The following LRP1B variants were observed in gnomAD, a reference collection of about 807,000 sequenced individuals.
The protein encoded by LRP1B is low-density lipoprotein receptor-related protein 1B.
In LRP1B, 217 loss-of-function variants were observed where a neutral mutation model predicts 556.6. That is an observed-to-expected ratio of 0.39 (90% confidence interval 0.35 to 0.44). The LOEUF (loss-of-function observed/expected upper bound fraction) is 0.44, where lower values mean the gene tolerates loss of function less well. Among genes scored for constraint, LRP1B ranks in the 20% least tolerant of loss-of-function variants. LRP1B has a pLI of 1.00. For synonymous variants in LRP1B, 2,047 were observed against 1,865.8 expected, an observed-to-expected ratio of 1.10 and a Z score of -2.50; for missense variants, 5,053 against 5,620.8, an observed-to-expected ratio of 0.90 and a Z score of 3.23.
intron 20 of LRP1B, among the ~76,000 whole-genome samples, chr2:140,930,671 A>G (rs1434095508): frequency 6.6e-6 from 1 of 152,064 alleles, no homozygotes; most frequent in Non-Finnish European, 1.5e-5. Flanking sequence ...ATTTTAATGG[A>G]GTTTACACCT....
intron 11 of LRP1B, among the ~76,000 whole-genome samples, chr2:141,028,488 G>A (rs905626492): frequency 4.6e-5 from 7 of 151,730 alleles, no homozygotes; most frequent in African/African-American, 9.7e-5. Flanking sequence ...TTATTAAAAC[G>A]TTACAGAAGT....
At chr2:142,089,581 T>TGTCAAAGACGCATCCC (rs2104946893) in intron 1 of LRP1B, among the ~76,000 whole-genome samples, 1 of 152,332 alleles carries the variant, frequency 6.6e-6, no homozygotes, top group African/African-American at 2.4e-5. Context: ...AAGGGCATCC[T>TGTCAAAGACGCATCCC]GTCAAAGACG....
At position 140,715,956 on chromosome 2, in the gene LRP1B, G is replaced by A. The variant is rs781569050; in HGVS notation, c.6023+17C>T. 35 of 1,549,444 alleles carry A rather than the reference G, an allele frequency of 2.3e-5. No homozygotes were observed. The highest frequency in any genetic ancestry group is 8.7e-5 in the South Asian group (7 of 80,362). ...CTCACATAAAACTTGGAAGATATAC[G>A]TAAATCTTAAAATTACCCTTTCTCT... On this transcript the variant is annotated intron_variant, in intron 37 of 90. Transcript: ENST00000389484.
intron 66 of LRP1B, among the ~76,000 whole-genome samples, chr2:140,408,857 G>C (rs1160504081): frequency 6.6e-6 from 1 of 151,886 alleles, no homozygotes; most frequent in Non-Finnish European, 1.5e-5. Flanking sequence ...GAATGTTTAA[G>C]GAACAGTGTT....
chr2:141,275,788 A>G (rs1292362554), intron 3 of LRP1B, among the ~76,000 whole-genome samples: 1 of 152,152 alleles, frequency 6.6e-6, no homozygotes, highest in Non-Finnish European at 1.5e-5. Context: ...ATTCAAAGAA[A>G]AGCTAAAAGT....
chr2:141,322,012 C>T (rs1687260410), intron 3 of LRP1B, among the ~76,000 whole-genome samples: 1 of 152,080 alleles, frequency 6.6e-6, no homozygotes. Flanking sequence ...ATTTTATGAA[C>T]TCACAGGAGG....
At chr2:141,140,996 A>G (rs1328743423) in intron 7 of LRP1B, among the ~76,000 whole-genome samples, 1 of 152,162 alleles carries the variant, frequency 6.6e-6, no homozygotes, top group African/African-American at 2.4e-5. Flanking sequence ...AGAGCAATCA[A>G]TCTCTCTCTC....
At chr2:141,966,788 T>C (rs1252459113) in intron 1 of LRP1B, among the ~76,000 whole-genome samples, 1 of 151,840 alleles carries the variant, frequency 6.6e-6, no homozygotes, top group East Asian at 1.9e-4. Context: ...CCTATGGATG[T>C]TCCGGTGGAG....
At chr2:140,238,073 G>C (rs2104880817) in intron 89 of LRP1B, 79 bp downstream of exon 89, 1 of 1,271,002 alleles carries the variant, frequency 7.9e-7, no homozygotes, top group Admixed American at 2.4e-5. Context: ...AGAAAAACTT[G>C]GTGAAATTCA....
intron 7 of LRP1B, among the ~76,000 whole-genome samples, chr2:141,162,206 T>C (rs962935561): frequency 4.6e-5 from 7 of 152,086 alleles, no homozygotes; most frequent in African/African-American, 1.7e-4. Context: ...TGCTTTTGTC[T>C]CTCTTATATC....
At chr2:140,506,716 C>T (rs1574016331) in intron 53 of LRP1B, 80 bp downstream of exon 53, 12 of 1,462,588 alleles carry the variant, frequency 8.2e-6, no homozygotes, top group Non-Finnish European at 1.1e-5. Context: ...TTGCTTGTTG[C>T]TTTAGTTTTT....
chr2:140,615,249 C>T (rs1360594048), intron 41 of LRP1B, among the ~76,000 whole-genome samples: 1 of 152,060 alleles, frequency 6.6e-6, no homozygotes, highest in Non-Finnish European at 1.5e-5. Flanking sequence ...GCAATCTCAC[C>T]CAGAAACTGA....
chr2:140,396,099 A>G (rs1048322306), intron 66 of LRP1B, among the ~76,000 whole-genome samples: 2 of 152,184 alleles, frequency 1.3e-5, no homozygotes, highest in African/African-American at 4.8e-5. Flanking sequence ...GTGAACCACA[A>G]GTACAGAGGC....
chr2:140,589,540 C>T (rs932329899), intron 43 of LRP1B, among the ~76,000 whole-genome samples: 9 of 152,112 alleles, frequency 5.9e-5, no homozygotes, highest in East Asian at 1.9e-4. Context: ...CACTAGAAAC[C>T]GCCCTGATGA....
intron 32 of LRP1B, among the ~76,000 whole-genome samples, chr2:140,779,215 T>C (rs1246792360): frequency 6.6e-6 from 1 of 152,098 alleles, no homozygotes; most frequent in African/African-American, 2.4e-5. Context: ...AAAAAATCTT[T>C]TTTAAAAGTT....
At chr2:142,057,377 C>G (rs1704714884) in intron 1 of LRP1B, among the ~76,000 whole-genome samples, 3 of 152,116 alleles carry the variant, frequency 2.0e-5, no homozygotes, top group African/African-American at 7.2e-5. Context: ...AATCCAAGTT[C>G]TATGGCAATG....
intron 2 of LRP1B, among the ~76,000 whole-genome samples, chr2:141,804,237 A>G (rs950434317): frequency 6.6e-6 from 1 of 152,134 alleles, no homozygotes; most frequent in Non-Finnish European, 1.5e-5. Context: ...AAAGAAATGT[A>G]TACTCTGCTT....
intron 3 of LRP1B, among the ~76,000 whole-genome samples, chr2:141,342,914 G>A (rs949381165): frequency 6.6e-6 from 1 of 152,014 alleles, no homozygotes; most frequent in Non-Finnish European, 1.5e-5. Flanking sequence ...CCCAAGACAC[G>A]TAATCGTCAG....
rs1220644581 is a variant in LRP1B, at chr2:140,583,162, C to CT, written c.7194+15468dup. On this transcript the variant is annotated intron_variant, in intron 43 of 90. Transcript: ENST00000389484. Reference sequence around the variant, plus strand: ...TGAAAGTTTCTATTGACAGTTTCTCCTTTTTTTTCTTTTTTTTTTTTTTTT... The same window carrying CT: ...TGAAAGTTTCTATTGACAGTTTCTCCTTTTTTTTTCTTTTTTTTTTTTTTTT... 4.3e-3 allele frequency among the ~76,000 whole-genome samples: 466 copies of CT among 107,702 alleles called. 21 individuals are homozygous for CT. The highest frequency in any genetic ancestry group is 8.5e-3 in the African/African-American group (210 of 24,658). 70.7% of individuals were successfully genotyped at this position (107,702 alleles called of 152,430 possible).
Sources: gnomAD v4.1 joint callset for allele counts (sites outside exome capture counted in the v4.1 genomes callset) on GRCh38, gnomAD v4.1.1 for gene constraint, MANE v1.5 for transcripts, NCBI Gene and HGNC (gene_info 2026-07-23, HGNC 2026-07-21) for gene names.